Variants in KCNIP4 observed in about 807,000 individuals in gnomAD.
The protein encoded by KCNIP4 is Kv channel-interacting protein 4.
A neutral mutation model predicts 34.0 loss-of-function variants in KCNIP4; 12 were observed. The observed-to-expected ratio is 0.35, with a 90% CI of 0.23 to 0.57. KCNIP4 has a LOEUF of 0.57. Ranked by LOEUF, KCNIP4 falls within the 20% of genes least tolerant of loss-of-function variation. The pLI is 0.83. For synonymous variants in KCNIP4, 124 were observed against 102.2 expected, an observed-to-expected ratio of 1.21 and a Z score of -1.29; for missense variants, 238 against 311.7, an observed-to-expected ratio of 0.76 and a Z score of 1.78.
At chr4:21,008,548 G>T (rs1356875539) in intron 1 of KCNIP4, among the ~76,000 whole-genome samples, 1 of 151,326 alleles carries the variant, frequency 6.6e-6, no homozygotes, top group Non-Finnish European at 1.5e-5. Flanking sequence ...TTTTGAGACG[G>T]AGTCTCGCTC....
At chr4:21,608,122 C>T (rs1205828860) in intron 1 of KCNIP4, among the ~76,000 whole-genome samples, 1 of 152,084 alleles carries the variant, frequency 6.6e-6, no homozygotes, top group Non-Finnish European at 1.5e-5. Context: ...CAGACATTTC[C>T]CTCTCTACTC....
At chr4:21,716,667 C>T (rs1287799844) in intron 1 of KCNIP4, among the ~76,000 whole-genome samples, 5 of 152,144 alleles carry the variant, frequency 3.3e-5, no homozygotes, top group Admixed American at 6.5e-5. Context: ...TTACCCCCAA[C>T]GAGTGAGTCA....
intron 1 of KCNIP4, among the ~76,000 whole-genome samples, chr4:21,335,581 CAG>C (rs1366003070): frequency 6.6e-6 from 1 of 152,106 alleles, no homozygotes; most frequent in Non-Finnish European, 1.5e-5. Context: ...TTATTTTGTT[CAG>C]AGTTAAGTGG....
At chr4:21,803,089 A>C (rs191165955) in intron 1 of KCNIP4, among the ~76,000 whole-genome samples, 4 of 152,314 alleles carry the variant, frequency 2.6e-5, no homozygotes, top group African/African-American at 9.6e-5. Flanking sequence ...GGCCTGCTCC[A>C]GAAGACAGAC....
chr4:21,402,961 C>T (rs955461011), intron 1 of KCNIP4, among the ~76,000 whole-genome samples: 1 of 152,166 alleles, frequency 6.6e-6, no homozygotes, highest in Non-Finnish European at 1.5e-5. Context: ...TTTGCTCTGG[C>T]ATCCCTTCTT....
intron 1 of KCNIP4, among the ~76,000 whole-genome samples, chr4:21,919,321 T>C (rs893348837): frequency 2.0e-5 from 3 of 152,172 alleles, no homozygotes; most frequent in African/African-American, 4.8e-5. Context: ...CCAGTTACTA[T>C]TGAGATGACC....
chr4:21,563,566 C>T (rs554951674), intron 1 of KCNIP4, among the ~76,000 whole-genome samples: 2 of 152,176 alleles, frequency 1.3e-5, no homozygotes, highest in Admixed American at 1.3e-4. Context: ...GTGCTCTGTT[C>T]ATCACTTACC....
intron 1 of KCNIP4, among the ~76,000 whole-genome samples, chr4:21,407,310 G>T (rs545514416): frequency 6.6e-6 from 1 of 151,756 alleles, no homozygotes; most frequent in Non-Finnish European, 1.5e-5. Context: ...AAACCATCCA[G>T]GTTAGCCCTA....
intron 1 of KCNIP4, among the ~76,000 whole-genome samples, chr4:21,947,822 C>T (rs1414256758): frequency 5.3e-5 from 8 of 152,294 alleles, no homozygotes; most frequent in African/African-American, 1.9e-4. Context: ...CACCTAATAA[C>T]AAATCGATGC....
rs33912651 is a variant in KCNIP4 at position 20,752,055 on chromosome 4, G to GTTTTTTTTT, written c.359-2332_359-2324dup. Among the ~76,000 whole-genome samples, 20 of 121,674 alleles carry GTTTTTTTTT rather than the reference G, an allele frequency of 1.6e-4. No individual in the cohort carries two copies. In the South Asian group the frequency reaches 4.4e-3, roughly 27 times the overall value. 79.8% of individuals were successfully genotyped at this position (121,674 alleles called of 152,430 possible). A position where few individuals can be genotyped will look rare whatever the true frequency, so the allele number is the denominator to read the frequency against. On this transcript the variant is annotated intron_variant, in intron 4 of 8. Transcript: ENST00000382152. ...ACAATATCAGTATGTACTTCATAGA[G>GTTTTTTTTT]TTTTTTTTTTTTTTTTTTTTGAGAC...
chr4:21,476,398 A>C, intron 1 of KCNIP4, among the ~76,000 whole-genome samples: 1 of 152,144 alleles, frequency 6.6e-6, no homozygotes, highest in East Asian at 1.9e-4. Flanking sequence ...AGTAAGTTTA[A>C]ATTAGGTTAT....
chr4:21,449,194 A>C (rs1362047952), intron 1 of KCNIP4, among the ~76,000 whole-genome samples: 1 of 152,076 alleles, frequency 6.6e-6, no homozygotes, highest in Non-Finnish European at 1.5e-5. Context: ...ACACTAATGG[A>C]GCTTACTTGG....
chr4:21,817,469 G>A (rs1722056222), intron 1 of KCNIP4, among the ~76,000 whole-genome samples: 1 of 152,120 alleles, frequency 6.6e-6, no homozygotes, highest in African/African-American at 2.4e-5. Flanking sequence ...ACGATTTTTA[G>A]GGAACAAGGG....
intron 3 of KCNIP4, among the ~76,000 whole-genome samples, chr4:20,845,491 C>CCCACCCTCTGCTGACCACCCTCTGCT (rs1382332450): frequency 2.6e-5 from 4 of 152,162 alleles, no homozygotes; most frequent in African/African-American, 9.7e-5. Context: ...TAGCTCCAAT[C>CCCACCCTCTGCTGACCACCCTCTGCT]CCACCACCCT....
intron 5 of KCNIP4, among the ~76,000 whole-genome samples, chr4:20,746,739 G>A (rs993400871): frequency 3.3e-5 from 5 of 152,224 alleles, no homozygotes; most frequent in African/African-American, 1.2e-4. Context: ...CAGAGCCGCT[G>A]GGTGGCAAAA....
At chr4:21,475,014 A>C (rs1289709177) in intron 1 of KCNIP4, among the ~76,000 whole-genome samples, 1 of 151,214 alleles carries the variant, frequency 6.6e-6, no homozygotes, top group Non-Finnish European at 1.5e-5. Flanking sequence ...AAACAAAAAA[A>C]AAAGACGTTA....
intron 3 of KCNIP4, among the ~76,000 whole-genome samples, chr4:20,788,775 A>C (rs1445393873): frequency 6.6e-6 from 1 of 152,168 alleles, no homozygotes; most frequent in Non-Finnish European, 1.5e-5. Context: ...TTCAGTATGT[A>C]GTTGGTGAAT....
intron 1 of KCNIP4, among the ~76,000 whole-genome samples, chr4:21,714,270 T>C (rs1454367468): frequency 2.6e-5 from 4 of 152,180 alleles, no homozygotes; most frequent in Non-Finnish European, 5.9e-5. Context: ...GCTAGGAACA[T>C]TCCATCTCTC....
At chr4:21,800,466 A>G (rs1318594862) in intron 1 of KCNIP4, among the ~76,000 whole-genome samples, 2 of 152,136 alleles carry the variant, frequency 1.3e-5, no homozygotes, top group South Asian at 2.1e-4. Flanking sequence ...TTCATATAGT[A>G]AAGTTACCAA....
Sources: gnomAD v4.1 joint callset for allele counts (sites outside exome capture counted in the v4.1 genomes callset) on GRCh38, gnomAD v4.1.1 for gene constraint, MANE v1.5 for transcripts, NCBI Gene and HGNC (gene_info 2026-07-23, HGNC 2026-07-21) for gene names.